Variants in HSD17B7 observed in about 807,000 individuals in gnomAD.
HSD17B7 encodes 3-keto-steroid reductase/17-beta-hydroxysteroid dehydrogenase 7.
A neutral mutation model predicts 34.1 loss-of-function variants in HSD17B7; 17 were observed. That is an observed-to-expected ratio of 0.50 (90% CI 0.34 to 0.75). The LOEUF (loss-of-function observed/expected upper bound fraction) is 0.75, where lower values mean the gene tolerates loss of function less well. HSD17B7 is among the 30% of genes least tolerant of loss of function. The probability of loss-of-function intolerance (pLI) is 0.01; values close to 1 mark genes in which losing one functional copy is unlikely to be tolerated. For synonymous variants in HSD17B7, 122 were observed against 154.6 expected (o/e 0.79, Z 1.56); for missense variants, 296 against 406.6 (o/e 0.73, Z 2.34).
At chr1:162,806,877 G>C (rs916489350) in intron 8 of HSD17B7, among the ~76,000 whole-genome samples, 4 of 152,220 alleles carry the variant, frequency 2.6e-5, no homozygotes, top group African/African-American at 7.2e-5. Flanking sequence ...TCTGTTAAAA[G>C]ATGGGGTTGA....
intron 8 of HSD17B7, among the ~76,000 whole-genome samples, chr1:162,811,572 A>G (rs1178060434): frequency 6.6e-6 from 1 of 152,230 alleles, no homozygotes; most frequent in Non-Finnish European, 1.5e-5. Flanking sequence ...TAAAATAACT[A>G]TAGATTAAAC....
At chr1:162,803,195 A>G (rs10917597) in intron 5 of HSD17B7, 68,588 of 312,906 alleles carry the variant, frequency 0.22, 8,426 homozygotes, top group Non-Finnish European at 0.27. Flanking sequence ...GTTCATGAGA[A>G]TAGAGACTTT....
chr1:162,795,283 A>G (rs1190798497), intron 2 of HSD17B7, among the ~76,000 whole-genome samples: 1 of 152,218 alleles, frequency 6.6e-6, no homozygotes, highest in African/African-American at 2.4e-5. Context: ...CATCTGTAGC[A>G]TTCTCTTCTA....
At chr1:162,807,544 G>A (rs886683912) in intron 8 of HSD17B7, among the ~76,000 whole-genome samples, 2 of 152,132 alleles carry the variant, frequency 1.3e-5, no homozygotes, top group East Asian at 1.9e-4. Flanking sequence ...TTGAGGAATC[G>A]CCACACTGTC....
At chr1:162,806,169 C>T (rs1648975652) in intron 8 of HSD17B7, among the ~76,000 whole-genome samples, 2 of 152,132 alleles carry the variant, frequency 1.3e-5, no homozygotes, top group Non-Finnish European at 2.9e-5. Flanking sequence ...ACTAAGAGAA[C>T]TACTTTGTTG....
At chr1:162,803,609 T>A in intron 6 of HSD17B7, 74 bp downstream of exon 6, 1 of 1,527,076 alleles carries the variant, frequency 6.5e-7, no homozygotes, top group African/African-American at 1.4e-5. Context: ...TGTTTAAGGG[T>A]TGGGAAATGA....
At chr1:162,800,819 T>G (rs1648783733) in intron 5 of HSD17B7, among the ~76,000 whole-genome samples, 1 of 152,208 alleles carries the variant, frequency 6.6e-6, no homozygotes, top group South Asian at 2.1e-4. Flanking sequence ...AGGAGGAAAG[T>G]GAAATAAGAT....
At chr1:162,810,888 T>C (rs1312512740) in intron 8 of HSD17B7, among the ~76,000 whole-genome samples, 1 of 152,250 alleles carries the variant, frequency 6.6e-6, no homozygotes, top group Non-Finnish European at 1.5e-5. Flanking sequence ...CTGATGGGTC[T>C]TGACTCTTTA....
At chr1:162,801,461 A>G (rs956770542) in intron 5 of HSD17B7, among the ~76,000 whole-genome samples, 2 of 152,188 alleles carry the variant, frequency 1.3e-5, no homozygotes, top group Non-Finnish European at 2.9e-5. Flanking sequence ...ATCTGTATGA[A>G]GCACTCACAG....
chr1:162,812,351 G>T lies in HSD17B7; in HGVS notation c.957G>T (p.Leu319=), dbSNP rs1649194555. The T allele has an allele frequency of 3.1e-6, 5 of 1,612,252 alleles. No individual in the cohort carries two copies. In the Admixed American group the frequency reaches 8.4e-5, roughly 27 times the overall value. Residue 319 remains leucine, a synonymous_variant, in exon 9 of 9, where the codon CTG becomes CTT. Coordinates refer to ENST00000254521, the MANE Select transcript of HSD17B7 (RefSeq NM_016371.4). ...AEKFYQKLLE[L]EKHIRVTIQK... ...AATTTTATCAAAAGTTACTGGAACT[G>T]GAAAAGCACATTAGGGTCACTATTC...
intron 5 of HSD17B7, among the ~76,000 whole-genome samples, chr1:162,801,206 C>G (rs1648803256): frequency 6.6e-6 from 1 of 152,176 alleles, no homozygotes; most frequent in African/African-American, 2.4e-5. Context: ...GAACTCCTGA[C>G]CTCAGGTATC....
chr1:162,805,642 G>C, intron 8 of HSD17B7, 150 bp downstream of exon 8: 1 of 1,277,862 alleles, frequency 7.8e-7, no homozygotes, highest in Non-Finnish European at 1.0e-6. Flanking sequence ...ATTTCATCCT[G>C]CTCCCTCCTG....
chr1:162,812,382 A>T lies in HSD17B7; in HGVS notation c.988A>T (p.Thr330Ser), dbSNP rs1445704473. The stretch of plus-strand genomic sequence containing the variant: ...GCACATTAGGGTCACTATTCAAAAA[A>T]CAGATAATCAGGCCAGGCTCAGTGG... ...EKHIRVTIQK[T>S]DNQARLSGSC... The change falls in exon 9 of 9, where the codon ACA (threonine) becomes TCA (serine). Residue 330 changes from threonine (T) to serine (S), a missense_variant. Transcript: ENST00000254521. The T allele has an allele frequency of 3.1e-6, 5 of 1,608,110 alleles. No homozygotes were observed. The South Asian group carries it at 4.4e-5, about 14-fold the overall frequency.
At position 162,812,295 on chromosome 1, in the gene HSD17B7, C is replaced by T. The variant is rs759025796; in HGVS notation, c.904-3C>T. ...GACATCTCTATTTTTGCTTCTTTTCCAGATGGACCTAGATGAAGACACTGC... is the reference window on the plus strand; with the variant it reads ...GACATCTCTATTTTTGCTTCTTTTCTAGATGGACCTAGATGAAGACACTGC... On this transcript the variant is annotated splice_region_variant and splice_polypyrimidine_tract_variant and intron_variant, in intron 8 of 8. Transcript: ENST00000254521. 7 of 1,609,784 alleles carry T rather than the reference C, an allele frequency of 4.3e-6. No homozygotes were observed. Among genetic ancestry groups the T allele is most frequent in the Non-Finnish European group, 5.9e-6 (7 of 1,178,408 alleles).
At chr1:162,800,835 T>G (rs1648784214) in intron 5 of HSD17B7, among the ~76,000 whole-genome samples, 1 of 152,226 alleles carries the variant, frequency 6.6e-6, no homozygotes, top group South Asian at 2.1e-4. Flanking sequence ...AAGATGATGA[T>G]CAAGAATTAT....
intron 8 of HSD17B7, among the ~76,000 whole-genome samples, chr1:162,811,200 A>G (rs540187431): frequency 6.6e-6 from 1 of 152,206 alleles, no homozygotes; most frequent in South Asian, 2.1e-4. Context: ...TTTCTCCTTC[A>G]CTTATGAAGC....
rs529034405 is a variant in HSD17B7 at position 162,807,995 on chromosome 1, G to T, written c.903+2503G>T. Among the ~76,000 whole-genome samples, 5 of 152,156 alleles carry T rather than the reference G, an allele frequency of 3.3e-5. No homozygotes were observed. In the South Asian group the frequency reaches 6.2e-4, roughly 19 times the overall value. ...AATTAGATCCCATTTGTCAATTTTG[G>T]CTTTTGTTGCCATTGCTTTTGGTGT... On this transcript the variant is annotated intron_variant, in intron 8 of 8. Transcript: ENST00000254521.
intron 3 of HSD17B7, 90 bp from the exon 4 acceptor site, chr1:162,797,712 A>G: frequency 6.5e-7 from 1 of 1,531,396 alleles, no homozygotes; most frequent in Non-Finnish European, 8.8e-7. Context: ...GGTGTAGTTT[A>G]TGGGTCGGGG....
At position 162,799,834 on chromosome 1, in the gene HSD17B7, G is replaced by T; in HGVS notation, c.539G>T (p.Ser180Ile). The T allele has an allele frequency of 2.5e-6, 4 of 1,613,912 alleles. No individual in the cohort carries two copies. In the South Asian group the frequency reaches 4.4e-5, roughly 18 times the overall value. The stretch of plus-strand genomic sequence containing the variant: ...CGCAGTGCAAGGAAATCTAATTTCA[G>T]CCTCGAGGACTTCCAGCACAGCAAA... Reference protein sequence around the residue: ...SSRSARKSNFSLEDFQHSKGK... With the variant: ...SSRSARKSNFILEDFQHSKGK... Residue 180 changes from serine (S) to isoleucine (I), a missense_variant, in exon 5 of 9, where the codon AGC becomes ATC. Ser to Ile is a moderately radical substitution (Grantham distance 142). Coordinates refer to ENST00000254521, the MANE Select transcript of HSD17B7 (RefSeq NM_016371.4).
Sources: gnomAD v4.1 joint callset for allele counts (sites outside exome capture counted in the v4.1 genomes callset) on GRCh38, gnomAD v4.1.1 for gene constraint, MANE v1.5 for transcripts, NCBI Gene and HGNC (gene_info 2026-07-23, HGNC 2026-07-21) for gene names.